FAM184B: variants seen among roughly 807,000 people sequenced by gnomAD.
The protein encoded by FAM184B is protein FAM184B.
Under a neutral mutation model 135.9 loss-of-function variants are expected in FAM184B, and 111 were observed. That is an observed-to-expected ratio of 0.82 (90% CI 0.70 to 0.96). The LOEUF (loss-of-function observed/expected upper bound fraction) is 0.96. Ranked by LOEUF, FAM184B falls within the 40% of genes least tolerant of loss-of-function variation. FAM184B has a pLI of 0.00. For missense variants in FAM184B, 1,375 were observed against 1,323.9 expected (o/e 1.04, Z -0.60); for synonymous variants, 552 against 524.8 (o/e 1.05, Z -0.71).
chr4:17,704,054 C>G (rs1717051616), intron 5 of FAM184B, among the ~76,000 whole-genome samples: 1 of 152,144 alleles, frequency 6.6e-6, no homozygotes, highest in Non-Finnish European at 1.5e-5. Context: ...TGATCTTTCA[C>G]CAGTTCATTT....
chr4:17,755,649 G>A (rs2108990282), intron 1 of FAM184B, among the ~76,000 whole-genome samples: 1 of 152,252 alleles, frequency 6.6e-6, no homozygotes. Context: ...CAAAGACATG[G>A]AATCAACCCA....
chr4:17,643,514 C>T (rs1244714391), intron 12 of FAM184B, among the ~76,000 whole-genome samples: 1 of 152,064 alleles, frequency 6.6e-6, no homozygotes, highest in Non-Finnish European at 1.5e-5. Context: ...AACACTGACT[C>T]CCTCCATGGC....
At chr4:17,644,339 A>C (rs1309163866) in intron 12 of FAM184B, among the ~76,000 whole-genome samples, 1 of 152,218 alleles carries the variant, frequency 6.6e-6, no homozygotes, top group Non-Finnish European at 1.5e-5. Flanking sequence ...ATCCTCAATA[A>C]AAGACTGGCA....
intron 6 of FAM184B, among the ~76,000 whole-genome samples, chr4:17,691,159 A>G (rs4698649): frequency 0.6 from 90,761 of 151,888 alleles, 27,737 homozygotes; most frequent in East Asian, 0.87. Context: ...GGGTGGGGTC[A>G]TTAGAGCCAC....
At chr4:17,650,316 G>T (rs148335937) in intron 11 of FAM184B, among the ~76,000 whole-genome samples, 333 of 152,114 alleles carry the variant, frequency 2.2e-3, no homozygotes, top group Non-Finnish European at 3.4e-3. Context: ...ATAAGAAGAA[G>T]AATAATCAGC....
chr4:17,649,311 G>A lies in FAM184B; in HGVS notation c.2192-1520C>T, dbSNP rs941568666. ...TATTAAGATGAAAAATTGGCCAGGC[G>A]TGGTGGCTCATGCCTGAAATCCCAG... On this transcript the variant is annotated intron_variant, in intron 11 of 17. Coordinates refer to ENST00000265018, the MANE Select transcript of FAM184B (RefSeq NM_015688.2). Among the ~76,000 whole-genome samples the A allele has an allele frequency of 5.9e-5, 9 of 152,284 alleles. No homozygotes were observed. The East Asian group carries it at 7.7e-4, about 13-fold the overall frequency.
chr4:17,646,635 C>T lies in FAM184B; in HGVS notation c.2346+1002G>A, dbSNP rs1009614055. ...TAGGAGATATACCTAATGTAAATGA[C>T]GAGTTAATGGGTGCAGCACACCAAC... On this transcript the variant is annotated intron_variant, in intron 12 of 17. Transcript: ENST00000265018. 1.3e-4 allele frequency among the ~76,000 whole-genome samples: 19 copies of T among 151,864 alleles called. 1 individual carries two copies. The highest frequency in any genetic ancestry group is 6.6e-4 in the Admixed American group (10 of 15,216).
intron 8 of FAM184B, 128 bp from the exon 9 acceptor site, chr4:17,660,215 A>G (rs1275554682): frequency 8.8e-7 from 1 of 1,142,480 alleles, no homozygotes; most frequent in Non-Finnish European, 1.2e-6. Context: ...GGGATTAGAA[A>G]CATCTTGCTT....
At chr4:17,734,041 T>A (rs1048521358) in intron 1 of FAM184B, among the ~76,000 whole-genome samples, 1 of 152,144 alleles carries the variant, frequency 6.6e-6, no homozygotes, top group African/African-American at 2.4e-5. Context: ...TCTACAACCA[T>A]CTGATCTTTG....
chr4:17,709,538 G>A lies in FAM184B; in HGVS notation c.248C>T (p.Ala83Val). Residue 83 changes from alanine to valine, a missense_variant, in exon 2 of 18, where the codon GCC becomes GTC. Transcript: ENST00000265018. ...ELQNAVAETK[A>V]RLLQEQGCAE... is the part of the protein sequence containing the mutation. ...GCAGCCCTGTTCCTGCAGGAGCCTG[G>A]CCTTGGTCTCTGCCACCGCATTCTG... is the stretch of plus-strand genomic sequence containing the variant. 1.3e-6 allele frequency: 2 copies of A among 1,550,984 alleles called. No individual in the cohort carries two copies. The highest frequency in any genetic ancestry group is 2.4e-5 in the East Asian group (1 of 40,914).
intron 1 of FAM184B, among the ~76,000 whole-genome samples, chr4:17,736,992 A>C (rs770574359): frequency 4.7e-4 from 72 of 152,270 alleles, no homozygotes; most frequent in Non-Finnish European, 8.4e-4. Context: ...TAAAAATACA[A>C]AAATTAGCTG....
At chr4:17,723,939 G>A (rs1053212145) in intron 1 of FAM184B, among the ~76,000 whole-genome samples, 6 of 152,080 alleles carry the variant, frequency 3.9e-5, no homozygotes, top group African/African-American at 1.2e-4. Context: ...CCAGTAGCAC[G>A]TCATCACATC....
intron 7 of FAM184B, among the ~76,000 whole-genome samples, chr4:17,672,704 A>G (rs1266866767): frequency 6.6e-6 from 1 of 152,204 alleles, no homozygotes; most frequent in African/African-American, 2.4e-5. Context: ...AGGTTAAACC[A>G]TCCCTGCACC....
intron 1 of FAM184B, among the ~76,000 whole-genome samples, chr4:17,770,629 A>G (rs1718800218): frequency 6.6e-6 from 1 of 152,048 alleles, no homozygotes; most frequent in African/African-American, 2.4e-5. Flanking sequence ...AAACCCAGCT[A>G]ATTTTTTTGT....
chr4:17,653,004 A>G, intron 10 of FAM184B, 21 bp from the exon 11 acceptor site: 3 of 1,551,280 alleles, frequency 1.9e-6, no homozygotes, highest in South Asian at 1.2e-5. Flanking sequence ...AAGTGGGAAC[A>G]AGAAGGCATG....
intron 7 of FAM184B, among the ~76,000 whole-genome samples, chr4:17,678,882 C>A (rs1716377440): frequency 6.6e-6 from 1 of 152,036 alleles, no homozygotes; most frequent in Non-Finnish European, 1.5e-5. Flanking sequence ...CCAAATACAG[C>A]CAACTGATCT....
intron 1 of FAM184B, among the ~76,000 whole-genome samples, chr4:17,738,797 C>G (rs1018233185): frequency 6.6e-6 from 1 of 151,936 alleles, no homozygotes; most frequent in Non-Finnish European, 1.5e-5. Flanking sequence ...GGATTAATAC[C>G]CCAGGTGGCG....
At position 17,693,358 on chromosome 4, in the gene FAM184B, G is replaced by A; in HGVS notation, c.1432C>T (p.Gln478Ter). ...VRKKSEKEIK[Q>*]LEEEKAALNV... ...AGGGCTGCTTTCTCTTCTTCCAGCT[G>A]CTTTATCTCCTTTTCTGATTTCTTC... is the stretch of plus-strand genomic sequence containing the variant. Residue 478 changes from glutamine to a stop codon, truncating the protein, a stop_gained, in exon 6 of 18, where the codon CAG becomes TAG. Transcript: ENST00000265018. LOFTEE classifies it high-confidence loss of function. The A allele has an allele frequency of 1.3e-6, 2 of 1,551,660 alleles. No homozygotes were observed. Among genetic ancestry groups the A allele is most frequent in the Non-Finnish European group, 1.7e-6 (2 of 1,146,988 alleles).
rs1017037842 is a variant in FAM184B, at chr4:17,781,515, T to C, written c.-216A>G. 2.4e-4 allele frequency: 121 copies of C among 500,720 alleles called. No homozygotes were observed. In the East Asian group the frequency reaches 4.5e-3, roughly 19 times the overall value. The allele number at this position is 500,720 out of a possible 1,614,324, so 31.0% of individuals were successfully genotyped here. A position where few individuals can be genotyped will look rare whatever the true frequency, so the allele number is the denominator to read the frequency against. On this transcript the variant is annotated 5_prime_UTR_variant, in exon 1 of 18. Transcript: ENST00000265018. This position sits in a 1 kb window ranked among gnomAD's most constrained non-coding sequence, Gnocchi z 6.5. ...CCTTTTTCCTCTCCTGCTGGTTCTCTGGCTGGCTGGCTCCGCGGGCACCCG... is the reference window on the plus strand; with the variant it reads ...CCTTTTTCCTCTCCTGCTGGTTCTCCGGCTGGCTGGCTCCGCGGGCACCCG...
Sources: gnomAD v4.1 joint callset for allele counts (sites outside exome capture counted in the v4.1 genomes callset) on GRCh38, gnomAD v4.1.1 for gene constraint, Gnocchi (gnomAD v3.1) non-coding constraint, MANE v1.5 for transcripts, NCBI Gene and HGNC (gene_info 2026-07-23, HGNC 2026-07-21) for gene names.